Variants in MIDEAS observed in about 807,000 individuals in gnomAD.
The protein encoded by MIDEAS is mitotic deacetylase associated SANT domain protein.
Under a neutral mutation model 102.7 loss-of-function variants are expected in MIDEAS, and 26 were observed. The observed-to-expected ratio is 0.25, with a 90% CI of 0.19 to 0.35. The LOEUF (loss-of-function observed/expected upper bound fraction) is 0.35, where lower values mean the gene tolerates loss of function less well. Among genes scored for constraint, MIDEAS ranks in the 10% least tolerant of loss-of-function variants. The pLI is 1.00. For synonymous variants in MIDEAS, 585 were observed against 591.0 expected, an observed-to-expected ratio of 0.99 and a Z score of 0.15; for missense variants, 1,231 against 1,435.6, an observed-to-expected ratio of 0.86 and a Z score of 2.30.
At chr14:73,727,074 C>T in intron 5 of MIDEAS, 102 bp from the exon 6 acceptor site, 1 of 1,425,394 alleles carries the variant, frequency 7.0e-7, no homozygotes, top group South Asian at 1.4e-5. Flanking sequence ...GCCGGCAGAG[C>T]AAGGCCTCAG....
chr14:73,778,707 A>G (rs1415311505), intron 1 of MIDEAS, among the ~76,000 whole-genome samples: 1 of 151,986 alleles, frequency 6.6e-6, no homozygotes, highest in Non-Finnish European at 1.5e-5. Flanking sequence ...CCCTTACTGT[A>G]AAGTGTCTGC....
upstream of MIDEAS, among the ~76,000 whole-genome samples, chr14:73,765,195 G>C (rs1175194315): frequency 1.3e-5 from 2 of 152,234 alleles, no homozygotes. Context: ...AGGAACTCCA[G>C]AGACCCAATG....
chr14:73,734,599 T>TG (rs2053179662), intron 3 of MIDEAS, among the ~76,000 whole-genome samples: 1 of 152,006 alleles, frequency 6.6e-6, no homozygotes, highest in Admixed American at 6.6e-5. Context: ...TGTTTTGTTT[T>TG]TTGTTTTTTT....
intron 1 of MIDEAS, among the ~76,000 whole-genome samples, chr14:73,773,155 G>A (rs1285866307): frequency 1.3e-5 from 2 of 149,550 alleles, no homozygotes; most frequent in African/African-American, 4.9e-5. Flanking sequence ...CATTTTTAAT[G>A]TATATTTGTT....
At chr14:73,781,734 CAAAAAAA>C (rs72374466) in intron 1 of MIDEAS, among the ~76,000 whole-genome samples, 26 of 73,560 alleles carry the variant, frequency 3.5e-4, no homozygotes, top group Non-Finnish European at 5.5e-4. Flanking sequence ...AACTCTGTCT[CAAAAAAA>C]AAAAAAAAAA....
rs1428910430 is a variant in MIDEAS, at chr14:73,715,905, G to A, written c.*2938C>T. On this transcript the variant is annotated 3_prime_UTR_variant, in exon 13 of 13. Coordinates refer to ENST00000423556, the MANE Select transcript of MIDEAS (RefSeq NM_001367710.1). ...TTAGCTGTGAGGGGGGCTGCTGAAGGCATGGAGGACAGTAATGACGGCTGT... is the reference window on the plus strand; with the variant it reads ...TTAGCTGTGAGGGGGGCTGCTGAAGACATGGAGGACAGTAATGACGGCTGT... The A allele has an allele frequency of 6.6e-6, 1 of 152,478 alleles. No individual in the cohort carries two copies. Among genetic ancestry groups the A allele is most frequent in the Non-Finnish European group, 1.5e-5 (1 of 68,120 alleles). The allele number at this position is 152,478 out of a possible 1,614,324, so 9.4% of individuals were successfully genotyped here.
At chr14:73,728,275 AT>A (rs986517127) in intron 4 of MIDEAS, 7 of 138,134 alleles carry the variant, frequency 5.1e-5, no homozygotes, top group Non-Finnish European at 1.1e-4. Flanking sequence ...AAAAAAAAAA[AT>A]CTTTGCTCTT....
intron 2 of MIDEAS, among the ~76,000 whole-genome samples, chr14:73,738,290 G>A (rs1467514871): frequency 6.6e-6 from 1 of 152,080 alleles, no homozygotes; most frequent in East Asian, 1.9e-4. Context: ...CAGCTACTCG[G>A]GGAGGCTGAG....
intron 1 of MIDEAS, among the ~76,000 whole-genome samples, chr14:73,785,187 A>G (rs1256776140): frequency 6.6e-6 from 1 of 152,198 alleles, no homozygotes; most frequent in Non-Finnish European, 1.5e-5. Context: ...TGAGATTTAG[A>G]ATGTGAAAAC....
In MIDEAS at chr14:73,717,036, G is replaced by A. The variant is rs1013648317; in HGVS notation, c.*1807C>T. ...ATCTAGGTAGTCATCCAAGAGTCTG[G>A]AGGGAGAAGAAATTTGTTACTTCCA... On this transcript the variant is annotated 3_prime_UTR_variant, in exon 13 of 13. Coordinates refer to ENST00000423556, the MANE Select transcript of MIDEAS (RefSeq NM_001367710.1). 4 of 152,580 alleles carry A rather than the reference G, an allele frequency of 2.6e-5. No individual in the cohort carries two copies. The highest frequency in any genetic ancestry group is 9.7e-5 in the African/African-American group (4 of 41,416). 9.5% of individuals were successfully genotyped at this position (152,580 alleles called of 1,614,324 possible).
At position 73,742,001 on chromosome 14, in the gene MIDEAS, A is replaced by G. The variant is rs2053287124; in HGVS notation, c.-247-1746T>C. ...GAAACAACCTTTCTCTTGCTTTTAA[A>G]CCCGCATTCCCTGACAGCCAACCTA... On this transcript the variant is annotated intron_variant, in intron 1 of 12. Coordinates refer to ENST00000423556, the MANE Select transcript of MIDEAS (RefSeq NM_001367710.1). This position sits in a 1 kb window ranked among gnomAD's most constrained non-coding sequence, Gnocchi z 4.4. 1.3e-5 allele frequency among the ~76,000 whole-genome samples: 2 copies of G among 152,100 alleles called. No homozygotes were observed. The highest frequency in any genetic ancestry group is 2.9e-5 in the Non-Finnish European group (2 of 68,008).
chr14:73,732,574 T>G (rs1285731854), intron 3 of MIDEAS, among the ~76,000 whole-genome samples: 1 of 151,828 alleles, frequency 6.6e-6, no homozygotes, highest in African/African-American at 2.4e-5. Flanking sequence ...TCACCTGAAG[T>G]CAGGAGTTGG....
chr14:73,774,236 T>A (rs1314222780), intron 1 of MIDEAS, among the ~76,000 whole-genome samples: 1 of 151,728 alleles, frequency 6.6e-6, no homozygotes, highest in Non-Finnish European at 1.5e-5. Flanking sequence ...AAGGTACCCC[T>A]GTAGTCTAAT....
rs554188523 is a variant in MIDEAS, at chr14:73,736,743, T to C, written c.1749+255A>G. ...GAATTTGCTGATCTGGAAAAAGAGA[T>C]GTACACAACCTAGAATTCAATTCTA... On this transcript the variant is annotated intron_variant, in intron 3 of 12. Transcript: ENST00000423556. 1.1e-4 allele frequency among the ~76,000 whole-genome samples: 17 copies of C among 152,076 alleles called. No homozygotes were observed. The South Asian group carries it at 1.7e-3, about 15-fold the overall frequency.
chr14:73,753,316 C>T (rs1005313994), intron 1 of MIDEAS, among the ~76,000 whole-genome samples: 1 of 152,182 alleles, frequency 6.6e-6, no homozygotes, highest in Non-Finnish European at 1.5e-5. Context: ...TGAATTCCTA[C>T]TATCAGCACT....
chr14:73,745,286 G>T (rs2053337444), intron 1 of MIDEAS, among the ~76,000 whole-genome samples: 1 of 152,160 alleles, frequency 6.6e-6, no homozygotes, highest in South Asian at 2.1e-4. Flanking sequence ...ACCTGCCCTT[G>T]ACTGTCACCT....
At position 73,740,166 on chromosome 14, in the gene MIDEAS, A is replaced by C. The variant is rs2053265823; in HGVS notation, c.-158T>G. 1 of 860,738 alleles carries C rather than the reference A, an allele frequency of 1.2e-6. No homozygotes were observed. The highest frequency in any genetic ancestry group is 1.7e-5 in the African/African-American group (1 of 57,620). The allele number at this position is 860,738 out of a possible 1,614,324, so 53.3% of individuals were successfully genotyped here. On this transcript the variant is annotated 5_prime_UTR_variant, in exon 2 of 13. Transcript: ENST00000423556. ...GACAGTGAGGTCGGACACTGGGAGAAAGAACTGCTGGCTCTTCCTTTCTCT... is the reference window on the plus strand; with the variant it reads ...GACAGTGAGGTCGGACACTGGGAGACAGAACTGCTGGCTCTTCCTTTCTCT...
At chr14:73,782,559 G>A (rs2053766524) in intron 1 of MIDEAS, among the ~76,000 whole-genome samples, 1 of 152,134 alleles carries the variant, frequency 6.6e-6, no homozygotes, top group African/African-American at 2.4e-5. Context: ...TGAACTTCTA[G>A]GCTCAAGTGA....
intron 1 of MIDEAS, among the ~76,000 whole-genome samples, chr14:73,785,680 A>G (rs1436222258): frequency 6.6e-6 from 1 of 152,176 alleles, no homozygotes; most frequent in Non-Finnish European, 1.5e-5. Context: ...TCCCGTTTAG[A>G]GAGGTTGATA....
Sources: gnomAD v4.1 joint callset for allele counts (sites outside exome capture counted in the v4.1 genomes callset) on GRCh38, gnomAD v4.1.1 for gene constraint, Gnocchi (gnomAD v3.1) non-coding constraint, MANE v1.5 for transcripts, NCBI Gene and HGNC (gene_info 2026-07-23, HGNC 2026-07-21) for gene names.